Variants in LEPR observed in about 807,000 individuals in gnomAD.
The protein encoded by LEPR is leptin receptor, also known as OB receptor.
Under a neutral mutation model 114.7 loss-of-function variants are expected in LEPR, and 56 were observed. The ratio of observed to expected loss-of-function variants is 0.49; its 90% CI spans 0.39 to 0.61. LEPR has a LOEUF of 0.61. Among genes scored for constraint, LEPR ranks in the 20% least tolerant of loss-of-function variants. LEPR has a pLI of 0.00. For synonymous variants in LEPR, 443 were observed against 461.4 expected, an observed-to-expected ratio of 0.96 and a Z score of 0.51; for missense variants, 1,202 against 1,352.9, an observed-to-expected ratio of 0.89 and a Z score of 1.75.
In LEPR at chr1:65,592,814, G is replaced by A; in HGVS notation, c.652G>A (p.Gly218Ser). 1 of 1,613,130 alleles carries A rather than the reference G, an allele frequency of 6.2e-7. No individual in the cohort carries two copies. Among genetic ancestry groups the A allele is most frequent in the Non-Finnish European group, 8.5e-7 (1 of 1,179,390 alleles). ...TLLMCLKITS[G>S]GVIFQSPLMS... is the part of the protein sequence containing the mutation. ...CCTTATGTGTTTGAAAATCACATCT[G>A]GTGGAGTAATTTTCCAGTCACCTCT... is the stretch of plus-strand genomic sequence containing the variant. The change falls in exon 6 of 20, where the codon GGT becomes AGT. Residue 218 changes from glycine (G) to serine (S), a missense_variant. Transcript: ENST00000349533.
intron 2 of LEPR, among the ~76,000 whole-genome samples, chr1:65,484,540 G>A (rs539862229): frequency 5.3e-5 from 8 of 152,248 alleles, no homozygotes; most frequent in Non-Finnish European, 1.0e-4. Flanking sequence ...AGCGTCATCA[G>A]TTGTTCTTTT....
chr1:65,422,257 A>T (rs761858904), intron 1 of LEPR, among the ~76,000 whole-genome samples: 8 of 152,220 alleles, frequency 5.3e-5, no homozygotes, highest in Non-Finnish European at 8.8e-5. Context: ...ACATAGAGAC[A>T]TACAGGGAGA....
chr1:65,447,446 A>G (rs1377243214), intron 2 of LEPR, among the ~76,000 whole-genome samples: 8 of 151,254 alleles, frequency 5.3e-5, no homozygotes, highest in Admixed American at 5.3e-4. Flanking sequence ...TTTTCCTCAT[A>G]TAGATCTTGT....
At chr1:65,431,942 AT>A in intron 2 of LEPR, 1 of 1,607,150 alleles carries the variant, frequency 6.2e-7, no homozygotes, top group East Asian at 2.2e-5. Context: ...ATTACAGTGC[AT>A]TGAATTTCTT....
intron 2 of LEPR, among the ~76,000 whole-genome samples, chr1:65,456,514 A>G (rs1646878527): frequency 1.3e-5 from 2 of 152,116 alleles, no homozygotes. Context: ...CATACATATT[A>G]AGGATTGTAT....
At chr1:65,434,467 C>A (rs901076256) in intron 2 of LEPR, 5 of 985,188 alleles carry the variant, frequency 5.1e-6, no homozygotes, top group South Asian at 9.4e-5. Context: ...GGGTTACAAG[C>A]AGACTTTGAG....
At chr1:65,442,386 G>T (rs1318616028) in intron 2 of LEPR, among the ~76,000 whole-genome samples, 3 of 152,098 alleles carry the variant, frequency 2.0e-5, no homozygotes, top group African/African-American at 7.2e-5. Flanking sequence ...CCACCCCACT[G>T]ATTTGAGTTT....
At chr1:65,512,447 G>A (rs1371023976) in intron 2 of LEPR, among the ~76,000 whole-genome samples, 1 of 152,172 alleles carries the variant, frequency 6.6e-6, no homozygotes. Context: ...CCTCAGCAAG[G>A]TGTAGGAGCA....
At position 65,435,366 on chromosome 1, in the gene LEPR, C is replaced by CTTTTTTTTTT. The variant is rs60757318; in HGVS notation, c.-21+9998_-21+10007dup. 5.2e-5 allele frequency: 38 copies of CTTTTTTTTTT among 726,184 alleles called. 3 individuals are homozygous for CTTTTTTTTTT. The highest frequency in any genetic ancestry group is 4.2e-4 in the East Asian group (3 of 7,170). The allele number at this position is 726,184 out of a possible 1,614,324, so 45.0% of individuals were successfully genotyped here. A position where few individuals can be genotyped will look rare whatever the true frequency, so the allele number is the denominator to read the frequency against. ...TGTCACAAAATGTGCCTTTTCTTTTCTTTTTTTTTTTTTTTTTTTGAGGCA... is the reference window on the plus strand; with the variant it reads ...TGTCACAAAATGTGCCTTTTCTTTTCTTTTTTTTTTTTTTTTTTTTTTTTTTTTTGAGGCA... On this transcript the variant is annotated intron_variant, in intron 2 of 19. Transcript: ENST00000349533.
At chr1:65,571,808 A>T (rs1039646764) in intron 4 of LEPR, among the ~76,000 whole-genome samples, 25 of 117,716 alleles carry the variant, frequency 2.1e-4, no homozygotes, top group South Asian at 3.0e-4. Flanking sequence ...AAAAAAAAAA[A>T]AAAAAAAAAA....
chr1:65,574,980 G>T (rs1437183344), intron 5 of LEPR, among the ~76,000 whole-genome samples: 1 of 152,134 alleles, frequency 6.6e-6, no homozygotes, highest in Admixed American at 6.6e-5. Flanking sequence ...CTTTATGCTA[G>T]TTCCTCATTC....
intron 2 of LEPR, among the ~76,000 whole-genome samples, chr1:65,484,720 C>G (rs1013343166): frequency 6.6e-6 from 1 of 152,138 alleles, no homozygotes; most frequent in African/African-American, 2.4e-5. Flanking sequence ...AAAGTTGTTC[C>G]ACACCCAAAG....
At chr1:65,558,174 G>T (rs896166398) in intron 2 of LEPR, among the ~76,000 whole-genome samples, 3 of 152,028 alleles carry the variant, frequency 2.0e-5, no homozygotes, top group African/African-American at 7.3e-5. Flanking sequence ...CTTATATCAA[G>T]AACAGGTAGC....
At chr1:65,576,966 G>T in intron 5 of LEPR, 1 of 328,810 alleles carries the variant, frequency 3.0e-6, no homozygotes, top group South Asian at 3.4e-5. Context: ...CAATCCTCCA[G>T]CCATTATCGG....
chr1:65,449,105 G>A (rs1156636022), intron 2 of LEPR, among the ~76,000 whole-genome samples: 2 of 152,160 alleles, frequency 1.3e-5, no homozygotes, highest in African/African-American at 2.4e-5. Context: ...TATTGGTCAG[G>A]CTGGTCTCGA....
chr1:65,551,073 A>G (rs1479153193), intron 2 of LEPR, among the ~76,000 whole-genome samples: 1 of 152,130 alleles, frequency 6.6e-6, no homozygotes, highest in Non-Finnish European at 1.5e-5. Context: ...AGCCGACTTC[A>G]TCGTGGTGGA....
chr1:65,619,843 C>T, intron 16 of LEPR, 85 bp from the exon 17 acceptor site: 1 of 1,029,222 alleles, frequency 9.7e-7, no homozygotes, highest in South Asian at 1.4e-5. Flanking sequence ...ATATGATAGT[C>T]ACTTTAATTC....
intron 19 of LEPR, among the ~76,000 whole-genome samples, chr1:65,635,724 A>C (rs1354715497): frequency 1.3e-5 from 2 of 152,102 alleles, no homozygotes; most frequent in Non-Finnish European, 2.9e-5. Context: ...ATTTCAATCC[A>C]CTTTTTTCTA....
chr1:65,501,073 T>A (rs1016989617), intron 2 of LEPR, among the ~76,000 whole-genome samples: 2 of 152,090 alleles, frequency 1.3e-5, no homozygotes, highest in Non-Finnish European at 2.9e-5. Context: ...TGACTTTCCA[T>A]CCATTTTCCT....
Sources: gnomAD v4.1 joint callset for allele counts (sites outside exome capture counted in the v4.1 genomes callset) on GRCh38, gnomAD v4.1.1 for gene constraint, MANE v1.5 for transcripts, NCBI Gene and HGNC (gene_info 2026-07-23, HGNC 2026-07-21) for gene names.